Variants in MTUS2 observed in about 807,000 individuals in gnomAD.
The protein encoded by MTUS2 is microtubule associated scaffold protein 2.
Under a neutral mutation model 114.1 loss-of-function variants are expected in MTUS2, and 40 were observed. That is an observed-to-expected ratio of 0.35 (90% CI 0.27 to 0.46). The LOEUF (loss-of-function observed/expected upper bound fraction) is 0.46. Among genes scored for constraint, MTUS2 ranks in the 20% least tolerant of loss-of-function variants. MTUS2 has a pLI of 1.00. For missense variants in MTUS2, 1,679 were observed against 1,705.4 expected, an observed-to-expected ratio of 0.98 and a Z score of 0.27; for synonymous variants, 688 against 672.0, an observed-to-expected ratio of 1.02 and a Z score of -0.37.
At chr13:29,174,935 C>T (rs565321754) in intron 5 of MTUS2, among the ~76,000 whole-genome samples, 3 of 152,142 alleles carry the variant, frequency 2.0e-5, no homozygotes, top group Admixed American at 6.5e-5. Flanking sequence ...TGAAGCAGTT[C>T]GCTATTCCTT....
chr13:28,952,383 C>T (rs1022605852), intron 2 of MTUS2, among the ~76,000 whole-genome samples: 3 of 152,220 alleles, frequency 2.0e-5, no homozygotes, highest in African/African-American at 7.2e-5. Context: ...ACTCATTATT[C>T]TGCAATTTGC....
At chr13:29,448,855 G>A (rs1413680461) in intron 9 of MTUS2, among the ~76,000 whole-genome samples, 1 of 147,154 alleles carries the variant, frequency 6.8e-6, no homozygotes. Context: ...CCGAGTTCAA[G>A]CGATTCTCCT....
intron 2 of MTUS2, among the ~76,000 whole-genome samples, chr13:28,980,624 T>G (rs918094554): frequency 1.3e-5 from 2 of 152,240 alleles, no homozygotes; most frequent in Non-Finnish European, 2.9e-5. Flanking sequence ...TTGGATTGTT[T>G]CCAATGTTTT....
At chr13:28,825,595 G>C (rs922770913) in intron 1 of MTUS2, among the ~76,000 whole-genome samples, 1 of 152,068 alleles carries the variant, frequency 6.6e-6, no homozygotes. Flanking sequence ...ACACACCCCT[G>C]GCAACAGGCT....
Position 29,428,751 on chromosome 13 carries a change from G to A in MTUS2, c.3118-11232G>A, listed in dbSNP as rs553747737. The A allele has an allele frequency of 3.8e-5, 61 of 1,591,302 alleles. No homozygotes were observed. The African/African-American group carries it at 7.3e-4, about 19-fold the overall frequency. On this transcript the variant is annotated intron_variant, in intron 8 of 15. Coordinates refer to ENST00000612955, the MANE Select transcript of MTUS2 (RefSeq NM_001033602.4). ...GGAAGTTGTGACAGCTCCCAGCGGC[G>A]CGCCCCTTTCGTGTGTGCCGGTACC...
At chr13:29,232,294 ACACGCGCG>A (rs1304865234) in intron 5 of MTUS2, among the ~76,000 whole-genome samples, 2 of 24,080 alleles carry the variant, frequency 8.3e-5, no homozygotes, top group Non-Finnish European at 1.6e-4. Context: ...ACACACACAC[ACACGCGCG>A]CGCGCACACA....
chr13:29,358,783 G>A (rs1869970121), intron 7 of MTUS2, among the ~76,000 whole-genome samples: 1 of 152,156 alleles, frequency 6.6e-6, no homozygotes, highest in Non-Finnish European at 1.5e-5. Flanking sequence ...TGACTTGGAC[G>A]TGACATTGAA....
At chr13:29,199,335 A>G (rs1444766887) in intron 5 of MTUS2, among the ~76,000 whole-genome samples, 1 of 152,224 alleles carries the variant, frequency 6.6e-6, no homozygotes, top group African/African-American at 2.4e-5. Flanking sequence ...TTTATCATAA[A>G]TAGCTCATAG....
chr13:29,284,778 A>C (rs141534295), intron 6 of MTUS2, among the ~76,000 whole-genome samples: 1 of 152,206 alleles, frequency 6.6e-6, no homozygotes, highest in African/African-American at 2.4e-5. Context: ...TAGGGGTATT[A>C]TAGGATAAAG....
chr13:28,923,276 G>A (rs1566226372), intron 2 of MTUS2, among the ~76,000 whole-genome samples: 1 of 152,140 alleles, frequency 6.6e-6, no homozygotes, highest in Admixed American at 6.5e-5. Flanking sequence ...CAGTGTTGGT[G>A]TCAGTTGTCT....
chr13:29,120,006 C>A (rs1221564676), intron 5 of MTUS2, among the ~76,000 whole-genome samples: 2 of 152,142 alleles, frequency 1.3e-5, no homozygotes, highest in Non-Finnish European at 2.9e-5. Flanking sequence ...AATAAATGCA[C>A]ATTCATAAGA....
At chr13:29,327,145 TAAGTAA>T (rs71776539) in intron 7 of MTUS2, among the ~76,000 whole-genome samples, 83,377 of 151,556 alleles carry the variant, frequency 0.55, 25,706 homozygotes, top group East Asian at 0.76. Flanking sequence ...TAAAAATGTA[TAAGTAA>T]AAGGATGGAA....
intron 7 of MTUS2, among the ~76,000 whole-genome samples, chr13:29,352,598 A>G (rs1468204060): frequency 1.3e-5 from 2 of 152,194 alleles, no homozygotes; most frequent in Non-Finnish European, 2.9e-5. Flanking sequence ...TTTCATGTGA[A>G]TGGAATCATA....
At chr13:29,290,255 G>T (rs1397417832) in intron 6 of MTUS2, among the ~76,000 whole-genome samples, 4 of 152,156 alleles carry the variant, frequency 2.6e-5, no homozygotes, top group African/African-American at 4.8e-5. Context: ...CCTTTAAGGT[G>T]GGAGTCCTGA....
At chr13:28,952,731 A>G (rs974816763) in intron 2 of MTUS2, among the ~76,000 whole-genome samples, 1 of 152,246 alleles carries the variant, frequency 6.6e-6, no homozygotes, top group African/African-American at 2.4e-5. Context: ...TTTTCATTAA[A>G]CAAAACTTCG....
At chr13:29,103,484 T>C (rs1351928384) in intron 5 of MTUS2, among the ~76,000 whole-genome samples, 1 of 152,202 alleles carries the variant, frequency 6.6e-6, no homozygotes, top group Non-Finnish European at 1.5e-5. Flanking sequence ...AAACTAAAAA[T>C]GCTGTTCCTG....
chr13:28,998,981 T>C (rs1885253640), intron 2 of MTUS2, among the ~76,000 whole-genome samples: 1 of 152,216 alleles, frequency 6.6e-6, no homozygotes, highest in East Asian at 1.9e-4. Context: ...TTTTAGAGTT[T>C]CCGGTTTTTC....
At chr13:29,411,938 T>C (rs1343211960) in intron 8 of MTUS2, among the ~76,000 whole-genome samples, 1 of 152,244 alleles carries the variant, frequency 6.6e-6, no homozygotes, top group South Asian at 2.1e-4. Context: ...TTTGCTACCT[T>C]ATTGAATTAT....
chr13:29,398,885 A>G (rs1874114943), intron 8 of MTUS2, among the ~76,000 whole-genome samples: 1 of 152,202 alleles, frequency 6.6e-6, no homozygotes, highest in Non-Finnish European at 1.5e-5. Context: ...AGGATCTATA[A>G]TAATGGGTTT....
Sources: gnomAD v4.1 joint callset for allele counts (sites outside exome capture counted in the v4.1 genomes callset) on GRCh38, gnomAD v4.1.1 for gene constraint, MANE v1.5 for transcripts, NCBI Gene and HGNC (gene_info 2026-07-23, HGNC 2026-07-21) for gene names.